ADAM10: variants seen among roughly 807,000 people sequenced by gnomAD.
ADAM10 encodes ADAM metallopeptidase domain 10, also known as disintegrin and metalloproteinase domain-containing protein 10.
In ADAM10, 17 loss-of-function variants were observed where a neutral mutation model predicts 90.1. That is an observed-to-expected ratio of 0.19 (90% CI 0.13 to 0.28). ADAM10 has a LOEUF of 0.28. ADAM10 is among the 10% of genes least tolerant of loss of function. ADAM10 has a pLI of 1.00. For synonymous variants in ADAM10, 310 were observed against 298.6 expected, an observed-to-expected ratio of 1.04 and a Z score of -0.40; for missense variants, 610 against 914.3, an observed-to-expected ratio of 0.67 and a Z score of 4.29.
At chr15:58,739,863 C>G (rs1382991654) in intron 1 of ADAM10, among the ~76,000 whole-genome samples, 1 of 152,190 alleles carries the variant, frequency 6.6e-6, no homozygotes, top group East Asian at 1.9e-4. Flanking sequence ...ACCATGAAGG[C>G]TGCTTCACTA....
intron 2 of ADAM10, among the ~76,000 whole-genome samples, chr15:58,683,188 C>T (rs1897487632): frequency 6.6e-6 from 1 of 152,144 alleles, no homozygotes; most frequent in Non-Finnish European, 1.5e-5. Flanking sequence ...TTACTCAACT[C>T]TGTTAAAAGT....
chr15:58,743,198 G>T (rs1899671834), intron 1 of ADAM10, among the ~76,000 whole-genome samples: 1 of 152,102 alleles, frequency 6.6e-6, no homozygotes. Flanking sequence ...GGCTTCGGTG[G>T]CGGGGGGCGG....
intron 1 of ADAM10, among the ~76,000 whole-genome samples, chr15:58,726,964 A>C (rs1473458298): frequency 1.3e-5 from 2 of 151,570 alleles, no homozygotes; most frequent in African/African-American, 4.8e-5. Context: ...CAGAAGGGAA[A>C]GTAAATGATC....
intron 2 of ADAM10, among the ~76,000 whole-genome samples, chr15:58,687,244 T>C (rs2140763679): frequency 6.6e-6 from 1 of 152,224 alleles, no homozygotes; most frequent in East Asian, 1.9e-4. Flanking sequence ...AAAGTTAATG[T>C]TATGATGTGC....
chr15:58,693,761 T>TTA (rs1418192504), intron 2 of ADAM10, among the ~76,000 whole-genome samples: 7 of 135,936 alleles, frequency 5.1e-5, no homozygotes, highest in African/African-American at 1.6e-4. Context: ...GAAATAGCTT[T>TTA]AAAAAAAAAA....
intron 1 of ADAM10, among the ~76,000 whole-genome samples, chr15:58,743,465 G>A (rs1452837931): frequency 6.6e-6 from 1 of 152,042 alleles, no homozygotes; most frequent in Non-Finnish European, 1.5e-5. Context: ...ATTAAAGACA[G>A]ACAAGAAATT....
At chr15:58,712,606 T>C (rs1187396122) in intron 2 of ADAM10, among the ~76,000 whole-genome samples, 1 of 149,566 alleles carries the variant, frequency 6.7e-6, no homozygotes, top group African/African-American at 2.5e-5. Context: ...GATCATGAGG[T>C]CAGGAGATCA....
chr15:58,728,125 G>T (rs139191425), intron 1 of ADAM10, among the ~76,000 whole-genome samples: 21 of 152,246 alleles, frequency 1.4e-4, no homozygotes, highest in African/African-American at 4.8e-4. Flanking sequence ...AATTTTAAAA[G>T]ACTAAAATCT....
At position 58,609,827 on chromosome 15, in the gene ADAM10, G is replaced by A. The variant is rs184973360; in HGVS notation, c.2025+470C>T. 3 of 171,700 alleles carry A rather than the reference G, an allele frequency of 1.7e-5. No individual in the cohort carries two copies. The East Asian group carries it at 4.6e-4, about 26-fold the overall frequency. The allele number at this position is 171,700 out of a possible 1,614,324, so 10.6% of individuals were successfully genotyped here. The stretch of plus-strand genomic sequence containing the variant: ...GGATGAACATCCATAATCATTAGTA[G>A]ATCTACAAAAGGCTGTGTATCTGAT... On this transcript the variant is annotated intron_variant, in intron 14 of 15. Transcript: ENST00000260408.
intron 5 of ADAM10, among the ~76,000 whole-genome samples, chr15:58,647,184 G>C (rs1464506503): frequency 6.9e-6 from 1 of 145,526 alleles, no homozygotes; most frequent in Non-Finnish European, 1.5e-5. Context: ...AATTATCTCT[G>C]TTTGATCCTC....
chr15:58,717,892 AT>A (rs1433142432), intron 1 of ADAM10, among the ~76,000 whole-genome samples, 165 bp from the exon 2 acceptor site: 1 of 152,198 alleles, frequency 6.6e-6, no homozygotes, highest in African/African-American at 2.4e-5. Context: ...ATTAAAACTT[AT>A]TGTGAGGGTA....
chr15:58,700,318 C>T (rs940574463), intron 2 of ADAM10, among the ~76,000 whole-genome samples: 7 of 152,214 alleles, frequency 4.6e-5, no homozygotes, highest in African/African-American at 9.6e-5. Flanking sequence ...GAAATACTCT[C>T]GAGGATAGAC....
At chr15:58,715,550 G>A (rs542535408) in intron 2 of ADAM10, among the ~76,000 whole-genome samples, 1 of 152,074 alleles carries the variant, frequency 6.6e-6, no homozygotes, top group Admixed American at 6.6e-5. Context: ...CATTTTATCT[G>A]TAATGTAACA....
intron 2 of ADAM10, among the ~76,000 whole-genome samples, chr15:58,698,731 G>A (rs1041724120): frequency 2.0e-5 from 3 of 151,862 alleles, no homozygotes; most frequent in Non-Finnish European, 4.4e-5. Context: ...CTTTAAGACA[G>A]GTATTTTGAA....
At chr15:58,658,261 T>C (rs1317637440) in intron 5 of ADAM10, among the ~76,000 whole-genome samples, 3 of 152,222 alleles carry the variant, frequency 2.0e-5, no homozygotes, top group African/African-American at 7.2e-5. Flanking sequence ...GTACCATTTG[T>C]TGAAAAGACT....
At chr15:58,691,338 T>A (rs143230910) in intron 2 of ADAM10, 1 of 1,098,148 alleles carries the variant, frequency 9.1e-7, no homozygotes, top group Non-Finnish European at 1.4e-6. Flanking sequence ...CTGCACACAG[T>A]ACTCATCAAT....
chr15:58,678,875 T>C (rs776106253), intron 4 of ADAM10, among the ~76,000 whole-genome samples: 2 of 152,172 alleles, frequency 1.3e-5, no homozygotes, highest in Non-Finnish European at 2.9e-5. Flanking sequence ...TCAGATTTGG[T>C]TGACTCACAC....
At position 58,594,764 on chromosome 15, in the gene ADAM10, T is replaced by G. The variant is rs1335392829; in HGVS notation, c.*2783A>C. ...CAAGTAAAAATAACTAATTTATAATTACCCAAATCAATCAATATTGAGAGT... is the reference window on the plus strand; with the variant it reads ...CAAGTAAAAATAACTAATTTATAATGACCCAAATCAATCAATATTGAGAGT... On this transcript the variant is annotated 3_prime_UTR_variant, in exon 16 of 16. Transcript: ENST00000260408. 2 of 152,188 alleles carry G rather than the reference T, an allele frequency of 1.3e-5. No individual in the cohort carries two copies. Among genetic ancestry groups the G allele is most frequent in the Non-Finnish European group, 2.9e-5 (2 of 68,030 alleles). 9.4% of individuals were successfully genotyped at this position (152,188 alleles called of 1,614,324 possible).
intron 5 of ADAM10, among the ~76,000 whole-genome samples, chr15:58,652,662 G>C (rs1286343016): frequency 6.6e-6 from 1 of 152,114 alleles, no homozygotes; most frequent in Non-Finnish European, 1.5e-5. Context: ...TCTGAAGTCA[G>C]GTAATATGAT....
Sources: gnomAD v4.1 joint callset for allele counts (sites outside exome capture counted in the v4.1 genomes callset) on GRCh38, gnomAD v4.1.1 for gene constraint, MANE v1.5 for transcripts, NCBI Gene and HGNC (gene_info 2026-07-23, HGNC 2026-07-21) for gene names.